CCNL2: variants seen among roughly 807,000 people sequenced by gnomAD.
CCNL2 encodes the protein cyclin L2.
CCNL2 carries 28 observed loss-of-function variants against 59.1 expected under a neutral mutation model. The ratio of observed to expected loss-of-function variants is 0.47; its 90% CI spans 0.35 to 0.65. The LOEUF (loss-of-function observed/expected upper bound fraction) is 0.65. CCNL2 is among the 30% of genes least tolerant of loss of function. The pLI is 0.00. For missense variants in CCNL2, 714 were observed against 717.4 expected (o/e 1.00, Z 0.05); for synonymous variants, 342 against 288.6 (o/e 1.19, Z -1.88).
In CCNL2 at chr1:1,398,387, C is replaced by T. The variant is rs1387353035; in HGVS notation, c.364-45G>A. 3.1e-6 allele frequency: 5 copies of T among 1,612,524 alleles called. No individual in the cohort carries two copies. In the African/African-American group the frequency reaches 4.0e-5, roughly 13 times the overall value. The stretch of plus-strand genomic sequence containing the variant: ...ACACGCCCATGTTTGTCCCCAGCCA[C>T]GGCGTCCTGACGGCCGCCAAAGGCT... On this transcript the variant is annotated intron_variant, in intron 2 of 10. Coordinates refer to ENST00000400809, the MANE Select transcript of CCNL2 (RefSeq NM_030937.6).
Position 1,399,289 on chromosome 1 carries a change from C to T in CCNL2, c.18G>A (p.Ala6=), listed in dbSNP as rs1294710090. 9.0e-6 allele frequency: 13 copies of T among 1,450,022 alleles called. No homozygotes were observed. In the East Asian group the frequency reaches 1.7e-4, roughly 19 times the overall value. The allele number at this position is 1,450,022 out of a possible 1,614,324, so 89.8% of individuals were successfully genotyped here. Residue 6 remains alanine, a synonymous_variant, in exon 1 of 11, where the codon GCG becomes GCA. Coordinates refer to ENST00000400809, the MANE Select transcript of CCNL2 (RefSeq NM_030937.6). MAAAA[A]AAGAAGSAAP... ...CTGCCGACCCTGCAGCACCAGCCGC[C>T]GCCGCCGCCGCCGCCATTTTGTGCC... is the stretch of plus-strand genomic sequence containing the variant.
intron 5 of CCNL2, 63 bp from the exon 6 acceptor site, chr1:1,390,928 A>G: frequency 1.5e-6 from 2 of 1,347,384 alleles, no homozygotes; most frequent in Non-Finnish European, 2.1e-6. Context: ...TTCCGCCTGC[A>G]TTATCTAGAG....
intron 2 of CCNL2, 22 bp from the exon 3 acceptor site, chr1:1,398,364 A>C (rs1250632413): frequency 6.2e-7 from 1 of 1,613,852 alleles, no homozygotes; most frequent in South Asian, 1.1e-5. Context: ...GCATTGCAAC[A>C]CGCCCATGTT....
chr1:1,391,228 G>A (rs949503800), intron 5 of CCNL2: 4 of 1,108,736 alleles, frequency 3.6e-6, no homozygotes, highest in Admixed American at 4.8e-5. Context: ...GTCTACTGGA[G>A]TCACTAAAAC....
chr1:1,388,242 G>A, intron 8 of CCNL2, 177 bp from the exon 9 acceptor site: 1 of 604,408 alleles, frequency 1.7e-6, no homozygotes, highest in Admixed American at 2.9e-5. Context: ...TGCAGATGGG[G>A]CTGGACGCGG....
rs777990238 is a variant in CCNL2 at position 1,388,596 on chromosome 1, T to C, written c.1007-531A>G. 1.6e-4 allele frequency: 67 copies of C among 409,376 alleles called. 1 individual carries two copies. The highest frequency in any genetic ancestry group is 5.8e-4 in the South Asian group (33 of 56,792). The allele number at this position is 409,376 out of a possible 1,614,324, so 25.4% of individuals were successfully genotyped here. A position where few individuals can be genotyped will look rare whatever the true frequency, so the allele number is the denominator to read the frequency against. On this transcript the variant is annotated intron_variant, in intron 8 of 10. Coordinates refer to ENST00000400809, the MANE Select transcript of CCNL2 (RefSeq NM_030937.6). The stretch of plus-strand genomic sequence containing the variant: ...CTCTCTCTCTCTCTATATATATATA[T>C]ACATAGACACACACTCACACACAAA...
intron 4 of CCNL2, 74 bp from the exon 5 acceptor site, chr1:1,393,534 G>A (rs767063385): frequency 2.3e-6 from 3 of 1,316,012 alleles, no homozygotes; most frequent in Non-Finnish European, 3.3e-6. Flanking sequence ...GGGTGTCCAT[G>A]CAGCAAACAA....
chr1:1,391,571 G>A, intron 5 of CCNL2: 1 of 1,305,004 alleles, frequency 7.7e-7, no homozygotes. Flanking sequence ...ATTTCAACAA[G>A]GGGTCTTAAA....
chr1:1,398,208 G>T lies in CCNL2; in HGVS notation c.473+25C>A, dbSNP rs371434224. ...ATAAAGAAAATAGGCATCTATGATA[G>T]ACTAGACAGCTCTGACTGACTCACT... is the stretch of plus-strand genomic sequence containing the variant. On this transcript the variant is annotated intron_variant, in intron 3 of 10. Coordinates refer to ENST00000400809, the MANE Select transcript of CCNL2 (RefSeq NM_030937.6). The T allele has an allele frequency of 1.9e-6, 3 of 1,609,022 alleles. No individual in the cohort carries two copies. In the African/African-American group the frequency reaches 4.0e-5, roughly 22 times the overall value.
rs1187735400 is a variant in CCNL2, at chr1:1,390,274, T to C, written c.962A>G (p.Gln321Arg). 3.1e-6 allele frequency: 5 copies of C among 1,613,720 alleles called. No individual in the cohort carries two copies. In the Admixed American group the frequency reaches 5.0e-5, roughly 16 times the overall value. ...GAACCCCGAGGTACCATCCAGCACCTGTGTGCCCCCAGGCAACAGGCCCCG... is the reference window on the plus strand; with the variant it reads ...GAACCCCGAGGTACCATCCAGCACCCGTGTGCCCCCAGGCAACAGGCCCCG... Reference protein sequence around the residue: ...QARGLLPGGTQVLDGTSGFSP... With the variant: ...QARGLLPGGTRVLDGTSGFSP... Residue 321 changes from glutamine (Q) to arginine (R), a missense_variant, in exon 8 of 11, where the codon CAG becomes CGG. Gln to Arg is a conservative substitution (Grantham distance 43). Coordinates refer to ENST00000400809, the MANE Select transcript of CCNL2 (RefSeq NM_030937.6).
intron 5 of CCNL2, chr1:1,393,099 GA>G (rs1644836751): frequency 1.7e-6 from 1 of 584,656 alleles, no homozygotes; most frequent in Non-Finnish European, 3.0e-6. Flanking sequence ...CCCTCCCCAG[GA>G]AAAGGTCCCC....
rs148278511 is a variant in CCNL2 at position 1,388,436 on chromosome 1, G to A, written c.1007-371C>T. 183 of 438,620 alleles carry A rather than the reference G, an allele frequency of 4.2e-4. 2 individuals are homozygous for A. Among genetic ancestry groups the A allele is most frequent in the Middle Eastern group, 1.5e-3 (2 of 1,342 alleles). The allele number at this position is 438,620 out of a possible 1,614,324, so 27.2% of individuals were successfully genotyped here. A position where few individuals can be genotyped will look rare whatever the true frequency, so the allele number is the denominator to read the frequency against. On this transcript the variant is annotated intron_variant, in intron 8 of 10. Coordinates refer to ENST00000400809, the MANE Select transcript of CCNL2 (RefSeq NM_030937.6). Reference sequence around the variant, plus strand: ...CTCCAGAGGCTGAAGCAGAAGAATCGCTTGGACCCAGGAGGCGGAGGTTAC... The same window carrying A: ...CTCCAGAGGCTGAAGCAGAAGAATCACTTGGACCCAGGAGGCGGAGGTTAC...
intron 4 of CCNL2, 118 bp downstream of exon 4, chr1:1,395,276 C>G (rs113368469): frequency 9.1e-7 from 1 of 1,100,728 alleles, no homozygotes; most frequent in Non-Finnish European, 1.3e-6. Flanking sequence ...AACTGGAAAG[C>G]CAAGTCAGGG....
chr1:1,395,626 T>A, intron 3 of CCNL2, 112 bp from the exon 4 acceptor site: 2 of 1,461,232 alleles, frequency 1.4e-6, no homozygotes, highest in Non-Finnish European at 1.9e-6. Flanking sequence ...CAACACAACA[T>A]CGCTATGAAG....
rs1303391877 is a variant in CCNL2 at position 1,387,367 on chromosome 1, C to T, written c.1427G>A (p.Arg476Gln). The change falls in exon 11 of 11, where the codon CGG becomes CAG. Residue 476 changes from arginine (R) to glutamine (Q), a missense_variant. Transcript: ENST00000400809. ...SSRSRSRSRE[R>Q]ADNPGKYKKK... ...CTTGTATTTTCCCGGATTATCCGCC[C>T]GCTCCCGTGACCTGCTTCGAGAACG... is the stretch of plus-strand genomic sequence containing the variant. 15 of 1,614,098 alleles carry T rather than the reference C, an allele frequency of 9.3e-6. No individual in the cohort carries two copies. The highest frequency in any genetic ancestry group is 2.2e-5 in the East Asian group (1 of 44,904).
chr1:1,399,295 C>G lies in CCNL2; in HGVS notation c.12G>C (p.Ala4=). MAA[A]AAAAGAAGSA... is the part of the protein sequence containing the mutation. The stretch of plus-strand genomic sequence containing the variant: ...ACCCTGCAGCACCAGCCGCCGCCGC[C>G]GCCGCCGCCATTTTGTGCCGCCGAC... The change falls in exon 1 of 11, where the codon GCG becomes GCC. Residue 4 remains alanine, a synonymous_variant. Transcript: ENST00000400809. 1 of 1,452,112 alleles carries G rather than the reference C, an allele frequency of 6.9e-7. No homozygotes were observed. Among genetic ancestry groups the G allele is most frequent in the Non-Finnish European group, 9.0e-7 (1 of 1,109,910 alleles). The allele number at this position is 1,452,112 out of a possible 1,614,324, so 90.0% of individuals were successfully genotyped here.
chr1:1,398,838 C>T, intron 1 of CCNL2, 167 bp from the exon 2 acceptor site: 1 of 1,260,364 alleles, frequency 7.9e-7, no homozygotes, highest in East Asian at 2.8e-5. Context: ...AGCGCACTGG[C>T]GGGCGGGGAG....
chr1:1,398,218 C>A lies in CCNL2; in HGVS notation c.473+15G>T, dbSNP rs35242196. Reference sequence around the variant, plus strand: ...TAGGCATCTATGATAGACTAGACAGCTCTGACTGACTCACTTTTTGTCTCT... The same window carrying A: ...TAGGCATCTATGATAGACTAGACAGATCTGACTGACTCACTTTTTGTCTCT... On this transcript the variant is annotated intron_variant, in intron 3 of 10. Coordinates refer to ENST00000400809, the MANE Select transcript of CCNL2 (RefSeq NM_030937.6). 0.16 allele frequency: 263,598 copies of A among 1,612,148 alleles called. 40,900 individuals carry two copies. The highest frequency in any genetic ancestry group is 0.86 in the East Asian group (38,465 of 44,868).
In CCNL2 at chr1:1,396,327, C is replaced by T. The variant is rs527844205; in HGVS notation, c.474-813G>A. Among the ~76,000 whole-genome samples the T allele has an allele frequency of 3.5e-3, 529 of 151,104 alleles. 3 individuals are homozygous for T. Among genetic ancestry groups the T allele is most frequent in the African/African-American group, 0.012 (502 of 41,270 alleles). ...TGTTGCCCAGGCTGGAGTGCAGTGG[C>T]GCGCTCTTGGCTCACTATAACCTCC... On this transcript the variant is annotated intron_variant, in intron 3 of 10. Coordinates refer to ENST00000400809, the MANE Select transcript of CCNL2 (RefSeq NM_030937.6).
Sources: allele counts gnomAD v4.1 joint callset (sites outside exome capture counted in the v4.1 genomes callset), GRCh38; gene constraint gnomAD v4.1.1; transcripts MANE v1.5; gene names NCBI Gene and HGNC (gene_info 2026-07-23, HGNC 2026-07-21).